The following PDE1C variants were observed in gnomAD, a reference collection of about 807,000 sequenced individuals.
The protein encoded by PDE1C is dual specificity calcium/calmodulin-dependent 3',5'-cyclic nucleotide phosphodiesterase 1C.
A neutral mutation model predicts 93.1 loss-of-function variants in PDE1C; 62 were observed. The observed-to-expected ratio is 0.67, with a 90% CI of 0.54 to 0.82. The LOEUF is 0.82. Among genes scored for constraint, PDE1C ranks in the 40% least tolerant of loss-of-function variants. The probability of loss-of-function intolerance (pLI) is 0.00; values close to 1 mark genes in which losing one functional copy is unlikely to be tolerated. For missense variants in PDE1C, 742 were observed against 884.6 expected (o/e 0.84, Z 2.04); for synonymous variants, 325 against 310.1 (o/e 1.05, Z -0.50).
At chr7:31,908,352 G>A (rs988098274) in intron 2 of PDE1C, among the ~76,000 whole-genome samples, 2 of 152,032 alleles carry the variant, frequency 1.3e-5, no homozygotes, top group African/African-American at 4.8e-5. Context: ...AGTTTTGAAG[G>A]TGGTGCCAAA....
At chr7:32,043,103 C>T (rs1448681233) in intron 2 of PDE1C, among the ~76,000 whole-genome samples, 2 of 152,154 alleles carry the variant, frequency 1.3e-5, no homozygotes, top group Non-Finnish European at 2.9e-5. Flanking sequence ...ATGTTACTGG[C>T]ATCTAGTGGG....
chr7:31,756,995 G>A (rs536379770), intron 17 of PDE1C, among the ~76,000 whole-genome samples: 2 of 152,288 alleles, frequency 1.3e-5, no homozygotes, highest in South Asian at 4.1e-4. Flanking sequence ...AACCAGCTCT[G>A]CACATCTCTT....
At position 31,848,102 on chromosome 7, in the gene PDE1C, C is replaced by A; in HGVS notation, c.852-6G>T. ...ACAGAATAGCTGGATCAGACCTGAA[C>A]AGAAAGCCAAGCAAAATTCAGAATG... On this transcript the variant is annotated splice_region_variant and splice_polypyrimidine_tract_variant and intron_variant, in intron 8 of 17. Transcript: ENST00000396191. 1.9e-6 allele frequency: 3 copies of A among 1,611,372 alleles called. No homozygotes were observed. Among genetic ancestry groups the A allele is most frequent in the Non-Finnish European group, 2.5e-6 (3 of 1,178,578 alleles).
At chr7:32,220,767 G>A (rs1305761849) in intron 1 of PDE1C, among the ~76,000 whole-genome samples, 2 of 152,108 alleles carry the variant, frequency 1.3e-5, no homozygotes, top group Non-Finnish European at 2.9e-5. Flanking sequence ...GCAGTGAGCC[G>A]CGATCGCACC....
At chr7:31,839,585 C>T (rs148348919) in intron 9 of PDE1C, among the ~76,000 whole-genome samples, 10 of 152,216 alleles carry the variant, frequency 6.6e-5, no homozygotes, top group African/African-American at 2.2e-4. Flanking sequence ...TACTAGCTAA[C>T]GGACATTCAA....
At chr7:32,001,389 T>G (rs925853479) in intron 2 of PDE1C, among the ~76,000 whole-genome samples, 1 of 152,248 alleles carries the variant, frequency 6.6e-6, no homozygotes, top group African/African-American at 2.4e-5. Context: ...CATAGCAAGC[T>G]ACTGATAAGT....
At chr7:31,761,766 C>T (rs1794845122) in intron 17 of PDE1C, among the ~76,000 whole-genome samples, 1 of 152,198 alleles carries the variant, frequency 6.6e-6, no homozygotes. Context: ...AGTTTCAAAA[C>T]TACTGTCTTC....
chr7:32,220,123 T>C (rs1011073136), intron 1 of PDE1C, among the ~76,000 whole-genome samples: 1 of 151,858 alleles, frequency 6.6e-6, no homozygotes, highest in Middle Eastern at 3.2e-3. Context: ...TTTAAATAAA[T>C]TACCCAGTCT....
intron 1 of PDE1C, among the ~76,000 whole-genome samples, chr7:32,416,780 G>A (rs1483778985): frequency 6.6e-6 from 1 of 152,140 alleles, no homozygotes; most frequent in African/African-American, 2.4e-5. Flanking sequence ...TGAAGAGTCT[G>A]GGGGTCAAGT....
chr7:31,876,448 A>G (rs1796597362), intron 5 of PDE1C, among the ~76,000 whole-genome samples: 1 of 152,194 alleles, frequency 6.6e-6, no homozygotes. Context: ...GTTATTCTGC[A>G]TAGAAAAGAG....
At chr7:32,216,859 C>T (rs547931055) in intron 1 of PDE1C, among the ~76,000 whole-genome samples, 1 of 152,288 alleles carries the variant, frequency 6.6e-6, no homozygotes, top group East Asian at 1.9e-4. Flanking sequence ...CGGTAGGAAC[C>T]ATGCTCCAGA....
intron 2 of PDE1C, among the ~76,000 whole-genome samples, chr7:31,966,599 C>G (rs931185704): frequency 1.3e-5 from 2 of 152,176 alleles, no homozygotes; most frequent in Non-Finnish European, 2.9e-5. Context: ...CAGCTCTGCA[C>G]CAAGCAGACC....
chr7:31,837,035 C>A, intron 11 of PDE1C, 145 bp downstream of exon 11: 1 of 632,056 alleles, frequency 1.6e-6, no homozygotes, highest in Non-Finnish European at 2.5e-6. Context: ...ATCACATGAC[C>A]AAGAGGCAAA....
chr7:31,632,136 C>T, the PDE1C span, among the ~76,000 whole-genome samples: 1 of 152,164 alleles, frequency 6.6e-6, no homozygotes, highest in African/African-American at 2.4e-5. Context: ...AGATCAATTT[C>T]AGAATGAAGA....
intron 7 of PDE1C, among the ~76,000 whole-genome samples, chr7:31,851,982 G>A (rs1469641903): frequency 2.0e-5 from 3 of 152,188 alleles, no homozygotes; most frequent in East Asian, 1.9e-4. Context: ...TAAGACAAAT[G>A]TGAGTATCCA....
At chr7:32,060,691 T>C (rs1278367095) in intron 1 of PDE1C, among the ~76,000 whole-genome samples, 2 of 150,102 alleles carry the variant, frequency 1.3e-5, no homozygotes, top group Non-Finnish European at 3.0e-5. Flanking sequence ...CTCCCAGAAA[T>C]TGGTGCTTTG....
At chr7:32,225,529 T>C (rs1246111317) in intron 1 of PDE1C, among the ~76,000 whole-genome samples, 1 of 152,058 alleles carries the variant, frequency 6.6e-6, no homozygotes, top group Non-Finnish European at 1.5e-5. Flanking sequence ...ACAGGAAGCT[T>C]GTAGGGGTTC....
At chr7:31,705,107 A>G in the PDE1C span, among the ~76,000 whole-genome samples, 7 of 152,214 alleles carry the variant, frequency 4.6e-5, no homozygotes, top group African/African-American at 1.7e-4. Context: ...ACTTGAAATT[A>G]TCTCCTGTGC....
rs116614348 is a variant in PDE1C at position 32,206,711 on chromosome 7, A to G, written c.136+2778T>C. On this transcript the variant is annotated intron_variant, in intron 2 of 18. Coordinates refer to the PDE1C transcript ENST00000396193. ...CCACCATGCAGTACCCACATGAGGTATTCTTCTAGCTCACCCTGCCCACTG... is the reference window on the plus strand; with the variant it reads ...CCACCATGCAGTACCCACATGAGGTGTTCTTCTAGCTCACCCTGCCCACTG... 3.4e-3 allele frequency among the ~76,000 whole-genome samples: 523 copies of G among 152,318 alleles called. 3 individuals carry two copies. The highest frequency in any genetic ancestry group is 0.012 in the African/African-American group (483 of 41,570).
Sources: gnomAD v4.1 joint callset for allele counts (sites outside exome capture counted in the v4.1 genomes callset) on GRCh38, gnomAD v4.1.1 for gene constraint, MANE v1.5 for transcripts, NCBI Gene and HGNC (gene_info 2026-07-23, HGNC 2026-07-21) for gene names.